DNAH8: variants seen among roughly 807,000 people sequenced by gnomAD.
The protein encoded by DNAH8 is axonemal beta dynein heavy chain 8.
A neutral mutation model predicts 562.1 loss-of-function variants in DNAH8; 382 were observed. The observed-to-expected ratio is 0.68, with a 90% CI of 0.63 to 0.74. The LOEUF (loss-of-function observed/expected upper bound fraction) is 0.74, where lower values mean the gene tolerates loss of function less well. Among genes scored for constraint, DNAH8 ranks in the 30% least tolerant of loss-of-function variants. DNAH8 has a pLI of 0.00. For synonymous variants in DNAH8, 1,881 were observed against 1,919.4 expected (o/e 0.98, Z 0.52); for missense variants, 5,203 against 5,620.4 (o/e 0.93, Z 2.37).
At chr6:38,752,033 A>G (rs1325380495) in intron 9 of DNAH8, among the ~76,000 whole-genome samples, 1 of 152,224 alleles carries the variant, frequency 6.6e-6, no homozygotes, top group African/African-American at 2.4e-5. Context: ...GAACATTTCT[A>G]TGATGATCCG....
chr6:38,960,190 C>T (rs555966994), intron 82 of DNAH8, among the ~76,000 whole-genome samples: 61 of 151,844 alleles, frequency 4.0e-4, no homozygotes, highest in Non-Finnish European at 7.2e-4. Flanking sequence ...GGAAATGCTC[C>T]AGAACATTAG....
At chr6:38,984,883 C>A (rs1008862749) in intron 87 of DNAH8, among the ~76,000 whole-genome samples, 1 of 152,160 alleles carries the variant, frequency 6.6e-6, no homozygotes, top group Non-Finnish European at 1.5e-5. Flanking sequence ...TAACTCCTTT[C>A]CCATGTAGAT....
intron 38 of DNAH8, 116 bp downstream of exon 38, chr6:38,850,530 A>C: frequency 1.1e-6 from 1 of 912,574 alleles, no homozygotes; most frequent in Non-Finnish European, 1.6e-6. Flanking sequence ...TGGGGCTAGG[A>C]ACTTAAAATT....
intron 53 of DNAH8, among the ~76,000 whole-genome samples, chr6:38,878,206 A>G (rs992709141): frequency 2.0e-5 from 3 of 152,244 alleles, no homozygotes; most frequent in African/African-American, 7.2e-5. Context: ...GAAGACTTTA[A>G]CAACACTATC....
At chr6:38,900,033 A>G in intron 62 of DNAH8, 127 bp downstream of exon 62, 2 of 785,638 alleles carry the variant, frequency 2.5e-6, no homozygotes, top group Non-Finnish European at 3.7e-6. Context: ...TATTATATAT[A>G]TAAGGATATT....
rs771369727 is a variant in DNAH8, at chr6:39,030,185, C to A, written c.13917C>A (p.Pro4639=). 1 of 1,614,146 alleles carries A rather than the reference C, an allele frequency of 6.2e-7. No homozygotes were observed. Among genetic ancestry groups the A allele is most frequent in the Non-Finnish European group, 8.5e-7 (1 of 1,180,018 alleles). ...ATGGGAAGCTCATGGAATCCACCCC[C>A]AAGGTACTCTTCACGCAGTTACCCG... The part of the protein sequence containing the change: ...RRNGKLMEST[P]KVLFTQLPVL... Residue 4639 remains proline (P), a synonymous_variant, in exon 93 of 93, where the codon CCC becomes CCA. Transcript: ENST00000327475.
At chr6:38,977,268 A>G (rs1464644883) in intron 85 of DNAH8, among the ~76,000 whole-genome samples, 1 of 152,112 alleles carries the variant, frequency 6.6e-6, no homozygotes, top group East Asian at 1.9e-4. Flanking sequence ...GCACGAGGCA[A>G]CGCCGCACTA....
At chr6:38,746,552 A>G (rs1047440560) in intron 8 of DNAH8, among the ~76,000 whole-genome samples, 1 of 150,338 alleles carries the variant, frequency 6.7e-6, no homozygotes, top group Non-Finnish European at 1.5e-5. Flanking sequence ...TTTATAATGA[A>G]TTTTTTTATA....
At chr6:38,793,938 A>T (rs1466409150) in intron 21 of DNAH8, among the ~76,000 whole-genome samples, 1 of 152,128 alleles carries the variant, frequency 6.6e-6, no homozygotes, top group Non-Finnish European at 1.5e-5. Context: ...TAATGCACAC[A>T]CATCTATTTG....
rs554755440 is a variant in DNAH8 at position 38,984,269 on chromosome 6, G to T, written c.13015G>T (p.Asp4339Tyr). ...AGTACAATATGGAGGCAGAGTGACAGATGACTTTGACAAACGTCTACTTAA... is the reference window on the plus strand; with the variant it reads ...AGTACAATATGGAGGCAGAGTGACATATGACTTTGACAAACGTCTACTTAA... ...GEVQYGGRVTDDFDKRLLNCF... is the reference protein window; with the variant it reads ...GEVQYGGRVTYDFDKRLLNCF... Residue 4339 changes from aspartate to tyrosine, a missense_variant, in exon 87 of 93, where the codon GAT becomes TAT. Physicochemically the swap from Asp to Tyr is radical, Grantham distance 160. This residue lies in a region of DNAH8 where 1,399 missense variants were observed against 1,518.4 expected (regional missense o/e 0.92). Transcript: ENST00000327475. The T allele has an allele frequency of 6.2e-7, 1 of 1,611,324 alleles. No individual in the cohort carries two copies. The highest frequency in any genetic ancestry group is 1.1e-5 in the South Asian group (1 of 91,016).
At chr6:38,791,815 C>A in intron 21 of DNAH8, 141 bp downstream of exon 21, 1 of 795,814 alleles carries the variant, frequency 1.3e-6, no homozygotes, top group Non-Finnish European at 1.9e-6. Context: ...TTCTCTGCTC[C>A]AAGGACTTTC....
At chr6:38,914,880 G>A (rs1426410732) in intron 67 of DNAH8, among the ~76,000 whole-genome samples, 1 of 151,928 alleles carries the variant, frequency 6.6e-6, no homozygotes, top group Non-Finnish European at 1.5e-5. Flanking sequence ...ATGGTTTTTT[G>A]CCCTTATTCT....
intron 13 of DNAH8, 113 bp from the exon 14 acceptor site, chr6:38,778,275 T>C (rs980728353): frequency 5.2e-6 from 3 of 579,230 alleles, no homozygotes; most frequent in Admixed American, 3.2e-5. Flanking sequence ...AGATGGTAGA[T>C]GTGTTTGAGG....
chr6:39,022,987 G>A (rs1395643846), intron 91 of DNAH8, among the ~76,000 whole-genome samples: 1 of 152,134 alleles, frequency 6.6e-6, no homozygotes, highest in African/African-American at 2.4e-5. Flanking sequence ...TTTTTTTAAA[G>A]CATCTGATTT....
At chr6:38,964,395 C>T (rs1762835284) in intron 82 of DNAH8, among the ~76,000 whole-genome samples, 4 of 128,500 alleles carry the variant, frequency 3.1e-5, no homozygotes, top group Admixed American at 8.0e-5. Flanking sequence ...GGCGGCTGGC[C>T]GGGCAGAGGG....
chr6:38,969,821 A>G (rs1763219394), intron 82 of DNAH8, among the ~76,000 whole-genome samples: 1 of 152,022 alleles, frequency 6.6e-6, no homozygotes, highest in Non-Finnish European at 1.5e-5. Context: ...CTTGGATGCA[A>G]TGGGAAGCCA....
intron 91 of DNAH8, among the ~76,000 whole-genome samples, chr6:39,025,443 C>T (rs1044706714): frequency 6.6e-6 from 1 of 152,208 alleles, no homozygotes; most frequent in African/African-American, 2.4e-5. Context: ...GTGGCCACTT[C>T]AGCAAGGTTT....
intron 1 of DNAH8, among the ~76,000 whole-genome samples, chr6:38,719,923 A>G (rs1762616819): frequency 6.6e-6 from 1 of 152,208 alleles, no homozygotes; most frequent in Non-Finnish European, 1.5e-5. Context: ...ACCACCAGAA[A>G]ATGGAAACAA....
rs530615322 is a variant in DNAH8 at position 38,748,631 on chromosome 6, G to T, written c.1294-1845G>T. On this transcript the variant is annotated intron_variant, in intron 8 of 92. Transcript: ENST00000327475. ...AATAATAAGATAACAGCTCACGCCTGTAATCCCAGCACTTTGCGAGGCTGA... is the reference window on the plus strand; with the variant it reads ...AATAATAAGATAACAGCTCACGCCTTTAATCCCAGCACTTTGCGAGGCTGA... Among the ~76,000 whole-genome samples, 5 of 152,080 alleles carry T rather than the reference G, an allele frequency of 3.3e-5. No homozygotes were observed. The South Asian group carries it at 8.3e-4, about 25-fold the overall frequency.
Sources: gnomAD v4.1 joint callset for allele counts (sites outside exome capture counted in the v4.1 genomes callset) on GRCh38, gnomAD v4.1.1 for gene constraint, gnomAD v4.1.1 regional missense constraint, MANE v1.5 for transcripts, NCBI Gene and HGNC (gene_info 2026-07-23, HGNC 2026-07-21) for gene names.